The following FTO variants were observed in gnomAD, a reference collection of about 807,000 sequenced individuals.
FTO encodes FTO alpha-ketoglutarate dependent dioxygenase.
A neutral mutation model predicts 63.9 loss-of-function variants in FTO; 47 were observed. The ratio of observed to expected loss-of-function variants is 0.74; its 90% CI spans 0.58 to 0.94. The LOEUF (loss-of-function observed/expected upper bound fraction) is 0.94. Among genes scored for constraint, FTO ranks in the 40% least tolerant of loss-of-function variants. The pLI, the probability that FTO is intolerant of heterozygous loss-of-function variation, is 0.00. For synonymous variants in FTO, 207 were observed against 224.4 expected, an observed-to-expected ratio of 0.92 and a Z score of 0.69; for missense variants, 562 against 618.1, an observed-to-expected ratio of 0.91 and a Z score of 0.96.
chr16:53,839,810 TATTTATTTA>T (rs370887644), intron 3 of FTO, among the ~76,000 whole-genome samples: 25,687 of 116,390 alleles, frequency 0.22, 2,385 homozygotes, highest in South Asian at 0.31. Flanking sequence ...TTTATTTATT[TATTTATTTA>T]TTTTAAGGTG....
intron 1 of FTO, among the ~76,000 whole-genome samples, chr16:53,748,722 G>T (rs1364197896): frequency 6.6e-6 from 1 of 151,670 alleles, no homozygotes; most frequent in African/African-American, 2.4e-5. Context: ...GGGATTACAG[G>T]TGTGAGCCAC....
chr16:53,886,139 T>G (rs1282028629), intron 6 of FTO, among the ~76,000 whole-genome samples: 1 of 152,224 alleles, frequency 6.6e-6, no homozygotes, highest in Non-Finnish European at 1.5e-5. Flanking sequence ...GCTCTCTCTT[T>G]GCTCTCTTGT....
At chr16:54,054,017 T>C (rs1288251659) in intron 8 of FTO, among the ~76,000 whole-genome samples, 2 of 151,634 alleles carry the variant, frequency 1.3e-5, no homozygotes, top group Non-Finnish European at 2.9e-5. Flanking sequence ...TGGTGTCGGT[T>C]TTTTTTTTCC....
chr16:53,727,263 A>C (rs1449989400), intron 1 of FTO, among the ~76,000 whole-genome samples: 1 of 152,204 alleles, frequency 6.6e-6, no homozygotes. Flanking sequence ...ATATTCTATC[A>C]GCTTTCAGCT....
rs573749687 is a variant in FTO at position 53,845,190 on chromosome 16, A to T, written c.895+892A>T. On this transcript the variant is annotated intron_variant, in intron 4 of 8. Coordinates refer to ENST00000471389, the MANE Select transcript of FTO (RefSeq NM_001080432.3). ...CAAAGCTTCTCAGGGTTTATTCTCT[A>T]CTTGGCTCTTGTTCCTGATTATTTG... 2.6e-5 allele frequency among the ~76,000 whole-genome samples: 4 copies of T among 152,314 alleles called. No homozygotes were observed. The South Asian group carries it at 8.3e-4, about 32-fold the overall frequency.
intron 8 of FTO, among the ~76,000 whole-genome samples, chr16:54,036,726 CT>C (rs2084948421): frequency 6.6e-6 from 1 of 152,208 alleles, no homozygotes; most frequent in Non-Finnish European, 1.5e-5. Flanking sequence ...CTCAGTTTCT[CT>C]TCCATAAATG....
intron 8 of FTO, among the ~76,000 whole-genome samples, chr16:54,090,984 A>G (rs708251): frequency 6.6e-6 from 1 of 151,914 alleles, no homozygotes; most frequent in African/African-American, 2.4e-5. Context: ...GGCTCAAGAC[A>G]CCTAAGAATA....
intron 8 of FTO, among the ~76,000 whole-genome samples, chr16:54,087,269 T>C (rs1208866244): frequency 6.6e-6 from 1 of 152,250 alleles, no homozygotes; most frequent in Non-Finnish European, 1.5e-5. Flanking sequence ...GCATCTTTGT[T>C]GCTTTGACAC....
chr16:53,965,222 C>G (rs1272870768), intron 8 of FTO, among the ~76,000 whole-genome samples: 1 of 152,160 alleles, frequency 6.6e-6, no homozygotes, highest in African/African-American at 2.4e-5. Context: ...TACAGGCATG[C>G]GTCACCACGC....
intron 1 of FTO, among the ~76,000 whole-genome samples, chr16:53,760,825 C>T (rs1187472853): frequency 6.6e-6 from 1 of 151,620 alleles, no homozygotes; most frequent in East Asian, 2.0e-4. Context: ...CAGGGTTTCA[C>T]CATGTTGGCC....
intron 4 of FTO, among the ~76,000 whole-genome samples, chr16:53,857,605 T>G (rs1210496304): frequency 6.6e-6 from 1 of 152,090 alleles, no homozygotes; most frequent in African/African-American, 2.4e-5. Flanking sequence ...TGGGGTTCAC[T>G]GGGGTGGACC....
chr16:53,826,160 C>T lies in FTO; in HGVS notation c.420C>T (p.Leu140=). 6.2e-7 allele frequency: 1 copy of T among 1,614,168 alleles called. No homozygotes were observed. Among genetic ancestry groups the T allele is most frequent in the Middle Eastern group, 1.6e-4 (1 of 6,062 alleles). The stretch of plus-strand genomic sequence containing the variant: ...TAGCCGCTGCTTGTGAGACCTTCCT[C>T]AAGCTCAATGACTACCTGCAGATAG... The part of the protein sequence containing the change: ...AEIAAACETF[L]KLNDYLQIET... Residue 140 remains leucine, a synonymous_variant, in exon 3 of 9, where the codon CTC becomes CTT. Transcript: ENST00000471389.
At chr16:53,989,545 C>A in intron 8 of FTO, among the ~76,000 whole-genome samples, 1 of 152,118 alleles carries the variant, frequency 6.6e-6, no homozygotes, top group East Asian at 1.9e-4. Flanking sequence ...ACGGCAAGAA[C>A]TTGGACTCTA....
chr16:53,941,307 G>A (rs560522061), intron 8 of FTO, among the ~76,000 whole-genome samples: 2 of 152,340 alleles, frequency 1.3e-5, no homozygotes, highest in Admixed American at 1.3e-4. Flanking sequence ...GGAGGTGGTA[G>A]TTAATAAGAA....
chr16:53,807,891 G>A (rs181229105), intron 1 of FTO, among the ~76,000 whole-genome samples: 1 of 152,194 alleles, frequency 6.6e-6, no homozygotes, highest in Admixed American at 6.5e-5. Context: ...TCTTTCTATG[G>A]CCCAAATAAT....
intron 7 of FTO, among the ~76,000 whole-genome samples, chr16:53,926,937 G>A (rs1351751307): frequency 6.6e-6 from 1 of 152,112 alleles, no homozygotes; most frequent in Non-Finnish European, 1.5e-5. Context: ...GGTTTAGGTG[G>A]GATTTTGAAG....
At chr16:53,773,076 CT>C (rs2077376817) in intron 1 of FTO, among the ~76,000 whole-genome samples, 3 of 128,856 alleles carry the variant, frequency 2.3e-5, no homozygotes, top group Admixed American at 2.3e-4. Context: ...TTACTTGGGC[CT>C]TTGATTTATT....
At chr16:53,833,812 C>G (rs1335347491) in intron 3 of FTO, among the ~76,000 whole-genome samples, 1 of 152,180 alleles carries the variant, frequency 6.6e-6, no homozygotes, top group Non-Finnish European at 1.5e-5. Flanking sequence ...TTTTGATACA[C>G]ATTTTCCTAA....
chr16:53,782,742 T>A (rs139806696), intron 1 of FTO, among the ~76,000 whole-genome samples: 175 of 152,346 alleles, frequency 1.1e-3, no homozygotes, highest in African/African-American at 3.8e-3. Flanking sequence ...CTTGTGTGTG[T>A]CTGAAATTCA....
Sources: allele counts gnomAD v4.1 joint callset (sites outside exome capture counted in the v4.1 genomes callset), GRCh38; gene constraint gnomAD v4.1.1; transcripts MANE v1.5; gene names NCBI Gene and HGNC (gene_info 2026-07-23, HGNC 2026-07-21).